Variants in CPLANE1 observed in about 807,000 individuals in gnomAD.
CPLANE1 encodes the protein ciliogenesis and planar polarity effector complex subunit 1.
Under a neutral mutation model 362.5 loss-of-function variants are expected in CPLANE1, and 263 were observed. That is an observed-to-expected ratio of 0.73 (90% CI 0.66 to 0.80). The LOEUF (loss-of-function observed/expected upper bound fraction) is 0.80. Ranked by LOEUF, CPLANE1 falls within the 30% of genes least tolerant of loss-of-function variation. The pLI is 0.00. For synonymous variants in CPLANE1, 1,212 were observed against 1,302.6 expected (o/e 0.93, Z 1.50); for missense variants, 3,461 against 3,793.4 (o/e 0.91, Z 2.30).
At chr5:37,119,495 A>AC (rs1203798594) in intron 50 of CPLANE1, among the ~76,000 whole-genome samples, 1 of 151,460 alleles carries the variant, frequency 6.6e-6, no homozygotes, top group Admixed American at 6.6e-5. Context: ...ACATGGAGAA[A>AC]CCCCATCTCT....
chr5:37,120,199 A>G lies in CPLANE1; in HGVS notation c.9310+17T>C. 1.3e-6 allele frequency: 2 copies of G among 1,590,080 alleles called. No individual in the cohort carries two copies. The highest frequency in any genetic ancestry group is 1.7e-6 in the Non-Finnish European group (2 of 1,173,902). On this transcript the variant is annotated intron_variant, in intron 50 of 52. Transcript: ENST00000651892. ...AGGTCCAAATCAGACAATTTATAAAAAAGCTTTAAGTCTTACCATGTGGCC... is the reference window on the plus strand; with the variant it reads ...AGGTCCAAATCAGACAATTTATAAAGAAGCTTTAAGTCTTACCATGTGGCC...
the CPLANE1 span, among the ~76,000 whole-genome samples, chr5:37,090,181 A>T: frequency 2.6e-5 from 4 of 152,194 alleles, no homozygotes; most frequent in African/African-American, 9.7e-5. Context: ...AAATTGAGGA[A>T]ATAGAACAAG....
intron 35 of CPLANE1, among the ~76,000 whole-genome samples, chr5:37,166,515 A>C (rs1361813094): frequency 2.6e-5 from 4 of 152,238 alleles, no homozygotes; most frequent in Non-Finnish European, 5.9e-5. Context: ...AAGAGATCAC[A>C]TTCTTATAAC....
rs548311210 is a variant in CPLANE1 at position 37,169,012 on chromosome 5, G to A, written c.7012C>T (p.Pro2338Ser). Residue 2338 changes from proline to serine, a missense_variant, in exon 34 of 53, where the codon CCA becomes TCA. By Grantham distance (74) the Pro-to-Ser change is moderately conservative. Coordinates refer to ENST00000651892, the MANE Select transcript of CPLANE1 (RefSeq NM_001384732.1). The stretch of plus-strand genomic sequence containing the variant: ...GGCTTAACATCAAATAGTTTTTCTG[G>A]TTTTATAAACACTGAAGAGTCCTGT... ...PQQDSSVFIK[P>S]EKLFDVKPGT... 6.2e-7 allele frequency: 1 copy of A among 1,613,936 alleles called. No homozygotes were observed. Among genetic ancestry groups the A allele is most frequent in the South Asian group, 1.1e-5 (1 of 91,078 alleles).
At chr5:37,086,328 G>A in the CPLANE1 span, among the ~76,000 whole-genome samples, 2 of 152,146 alleles carry the variant, frequency 1.3e-5, no homozygotes, top group Non-Finnish European at 2.9e-5. Context: ...ATAAATTTAA[G>A]AAAATTGAAA....
intron 34 of CPLANE1, 34 bp downstream of exon 34, chr5:37,168,757 A>C: frequency 6.4e-7 from 1 of 1,560,916 alleles, no homozygotes; most frequent in Non-Finnish European, 8.7e-7. Context: ...AGTGCAGGAC[A>C]CTGCTTTTGC....
downstream of CPLANE1, among the ~76,000 whole-genome samples, chr5:37,101,496 G>C (rs879885530): frequency 5.3e-5 from 8 of 152,170 alleles, no homozygotes; most frequent in Admixed American, 2.6e-4. Context: ...GCTGGATTTG[G>C]TTTGCCAGTA....
In CPLANE1 at chr5:37,221,265, C is replaced by T. The variant is rs146820963; in HGVS notation, c.2746+59G>A. On this transcript the variant is annotated intron_variant, in intron 15 of 52. Transcript: ENST00000651892. Reference sequence around the variant, plus strand: ...GCTCAGGGGTTTGAAGCCAGGCTGGCAACATAGGGAGACCCTGTCTCTTTT... The same window carrying T: ...GCTCAGGGGTTTGAAGCCAGGCTGGTAACATAGGGAGACCCTGTCTCTTTT... 2,878 of 1,211,936 alleles carry T rather than the reference C, an allele frequency of 2.4e-3. 5 individuals are homozygous for T. The highest frequency in any genetic ancestry group is 2.9e-3 in the Non-Finnish European group (2,596 of 897,374). 75.1% of individuals were successfully genotyped at this position (1,211,936 alleles called of 1,614,324 possible). A position where few individuals can be genotyped will look rare whatever the true frequency, so the allele number is the denominator to read the frequency against.
chr5:37,119,309 A>G (rs1319880525), intron 50 of CPLANE1, among the ~76,000 whole-genome samples: 1 of 152,216 alleles, frequency 6.6e-6, no homozygotes, highest in Admixed American at 6.5e-5. Context: ...TTAGCCAGAT[A>G]TACAAAAGAA....
Position 37,183,407 on chromosome 5 carries a change from A to G in CPLANE1, c.4774T>C (p.Leu1592=). 6.2e-7 allele frequency: 1 copy of G among 1,613,472 alleles called. No homozygotes were observed. Among genetic ancestry groups the G allele is most frequent in the Non-Finnish European group, 8.5e-7 (1 of 1,179,748 alleles). Residue 1592 remains leucine (L), a synonymous_variant, in exon 26 of 53, where the codon TTA becomes CTA. Transcript: ENST00000651892. ...GKLREHELNS[L]LFDVHTTLKR... is the part of the protein sequence containing the mutation. ...AATGTTGTATGTACATCAAAAAGTA[A>G]AGAATTAAGTTCATGTTCTCTAAGC... is the stretch of plus-strand genomic sequence containing the variant.
At position 37,114,944 on chromosome 5, in the gene CPLANE1, C is replaced by T; in HGVS notation, c.9400+16G>A. On this transcript the variant is annotated intron_variant, in intron 51 of 52. Coordinates refer to ENST00000651892, the MANE Select transcript of CPLANE1 (RefSeq NM_001384732.1). ...TCAGTATTAAGTCTAAAAACTTTATCTTCTTTATCCCTTACCTTTTTGGAA... is the reference window on the plus strand; with the variant it reads ...TCAGTATTAAGTCTAAAAACTTTATTTTCTTTATCCCTTACCTTTTTGGAA... 6.9e-7 allele frequency: 1 copy of T among 1,458,954 alleles called. No individual in the cohort carries two copies. Among genetic ancestry groups the T allele is most frequent in the East Asian group, 2.3e-5 (1 of 44,178 alleles). 90.4% of individuals were successfully genotyped at this position (1,458,954 alleles called of 1,614,324 possible).
Position 37,187,410 on chromosome 5 carries a change from T to C in CPLANE1, c.4080+4A>G. 6.2e-7 allele frequency: 1 copy of C among 1,607,750 alleles called. No homozygotes were observed. Among genetic ancestry groups the C allele is most frequent in the Non-Finnish European group, 8.5e-7 (1 of 1,177,572 alleles). ...TAGTTTACTTTCACCTACAAGCACA[T>C]TACCTTTCTGATTGGTGGCAGTTCT... On this transcript the variant is annotated splice_donor_region_variant and intron_variant, in intron 23 of 52. Coordinates refer to ENST00000651892, the MANE Select transcript of CPLANE1 (RefSeq NM_001384732.1).
chr5:37,123,357 T>C (rs1157578835), intron 47 of CPLANE1, among the ~76,000 whole-genome samples: 2 of 151,836 alleles, frequency 1.3e-5, no homozygotes, highest in East Asian at 1.9e-4. Flanking sequence ...TGTGGAGAAG[T>C]TGTCACTAGC....
At chr5:37,144,719 C>T (rs935733411) in intron 43 of CPLANE1, among the ~76,000 whole-genome samples, 15 of 151,444 alleles carry the variant, frequency 9.9e-5, no homozygotes, top group East Asian at 3.9e-4. Flanking sequence ...GGCGCGGTGG[C>T]GGGCACCTGT....
rs773795570 is a variant in CPLANE1, at chr5:37,157,882, C to T, written c.7813-14G>A. The T allele has an allele frequency of 3.2e-6, 4 of 1,242,344 alleles. No individual in the cohort carries two copies. The highest frequency in any genetic ancestry group is 2.5e-5 in the Admixed American group (1 of 40,208). 77.0% of individuals were successfully genotyped at this position (1,242,344 alleles called of 1,614,324 possible). On this transcript the variant is annotated splice_polypyrimidine_tract_variant and intron_variant, in intron 39 of 52. Coordinates refer to ENST00000651892, the MANE Select transcript of CPLANE1 (RefSeq NM_001384732.1). ...AGTATGTCCAACCTGAGCCAAAACA[C>T]ATAAAACCAAAGAGGGTTACATTCT...
Position 37,221,307 on chromosome 5 carries a change from GAAAA to G in CPLANE1, c.2746+13_2746+16del. The stretch of plus-strand genomic sequence containing the variant: ...GTCTCTTTTTAAAAATACAAAGAAA[GAAAA>G]AAAAAAGCATACCTGAAAAATCTTT... On this transcript the variant is annotated intron_variant, in intron 15 of 52. Coordinates refer to ENST00000651892, the MANE Select transcript of CPLANE1 (RefSeq NM_001384732.1). The G allele has an allele frequency of 7.6e-7, 1 of 1,323,620 alleles. No individual in the cohort carries two copies. The highest frequency in any genetic ancestry group is 1.0e-6 in the Non-Finnish European group (1 of 1,000,874). 82.0% of individuals were successfully genotyped at this position (1,323,620 alleles called of 1,614,324 possible).
Position 37,210,150 on chromosome 5 carries a change from C to T in CPLANE1, c.2920+3409G>A, listed in dbSNP as rs138458377. 2.5e-4 allele frequency: 268 copies of T among 1,082,206 alleles called. 1 individual carries two copies. The highest frequency in any genetic ancestry group is 1.8e-3 in the Middle Eastern group (9 of 4,868). The allele number at this position is 1,082,206 out of a possible 1,614,324, so 67.0% of individuals were successfully genotyped here. On this transcript the variant is annotated intron_variant, in intron 16 of 52. Transcript: ENST00000651892. ...AGCAAAATCTGAAGCCCTTGTTATTCGGGAAAAGAGCACCCTTGAGAGAAT... is the reference window on the plus strand; with the variant it reads ...AGCAAAATCTGAAGCCCTTGTTATTTGGGAAAAGAGCACCCTTGAGAGAAT...
At chr5:37,095,544 C>T in the CPLANE1 span, among the ~76,000 whole-genome samples, 16 of 152,178 alleles carry the variant, frequency 1.1e-4, no homozygotes, top group Admixed American at 9.8e-4. Context: ...ACTCTCACCA[C>T]TCCTCTTCAA....
intron 20 of CPLANE1, among the ~76,000 whole-genome samples, chr5:37,197,037 G>T (rs1483217459): frequency 6.6e-6 from 1 of 151,018 alleles, no homozygotes; most frequent in Non-Finnish European, 1.5e-5. Flanking sequence ...AAAGGAAAGA[G>T]AAACAAGCTA....
Sources: allele counts gnomAD v4.1 joint callset (sites outside exome capture counted in the v4.1 genomes callset), GRCh38; gene constraint gnomAD v4.1.1; transcripts MANE v1.5; gene names NCBI Gene and HGNC (gene_info 2026-07-23, HGNC 2026-07-21).